The following LNX1 variants were observed in gnomAD, a reference collection of about 807,000 sequenced individuals.
The protein encoded by LNX1 is ligand of numb-protein X 1, also known as E3 ubiquitin-protein ligase LNX.
In LNX1, 54 loss-of-function variants were observed where a neutral mutation model predicts 68.4. That is an observed-to-expected ratio of 0.79 (90% confidence interval 0.63 to 0.99). LNX1 has a LOEUF of 0.99. Ranked by LOEUF, LNX1 falls within the 50% of genes least tolerant of loss-of-function variation. LNX1 has a pLI of 0.00. For synonymous variants in LNX1, 336 were observed against 350.0 expected, an observed-to-expected ratio of 0.96 and a Z score of 0.45; for missense variants, 906 against 926.4, an observed-to-expected ratio of 0.98 and a Z score of 0.29.
chr4:53,568,909 A>G (rs1280980213), intron 2 of LNX1, among the ~76,000 whole-genome samples: 1 of 152,104 alleles, frequency 6.6e-6, no homozygotes, highest in Admixed American at 6.5e-5. Flanking sequence ...ACTCCCATTC[A>G]CAATTGCTTC....
intron 3 of LNX1, 119 bp from the exon 4 acceptor site, chr4:53,507,588 A>G (rs774044936): frequency 2.9e-4 from 338 of 1,151,768 alleles, no homozygotes; most frequent in Non-Finnish European, 3.9e-4. Context: ...GGGTGGTAGG[A>G]TTGTAGAATT....
intron 9 of LNX1, among the ~76,000 whole-genome samples, chr4:53,469,304 C>T (rs373058751): frequency 2.0e-5 from 3 of 152,086 alleles, no homozygotes; most frequent in East Asian, 3.8e-4. Flanking sequence ...AGAACAAAGA[C>T]ACAGCGTACC....
chr4:53,643,024 T>C (rs1734745612), intron 1 of LNX1, among the ~76,000 whole-genome samples: 1 of 152,156 alleles, frequency 6.6e-6, no homozygotes. Flanking sequence ...ACTTGGGGAG[T>C]GCTATGGGCA....
At chr4:53,520,713 A>G (rs1577652835) in intron 2 of LNX1, among the ~76,000 whole-genome samples, 2 of 152,194 alleles carry the variant, frequency 1.3e-5, no homozygotes, top group South Asian at 4.2e-4. Context: ...TGTAATCCCA[A>G]CACTTTGGGA....
In LNX1 at chr4:53,460,141, A is replaced by G. The variant is rs950218921; in HGVS notation, c.*766T>C. ...TGGCACAAATTTAAATCGCCTCATGACCATGTCTGTGAGCCAGGGTCAAGC... is the reference window on the plus strand; with the variant it reads ...TGGCACAAATTTAAATCGCCTCATGGCCATGTCTGTGAGCCAGGGTCAAGC... On this transcript the variant is annotated 3_prime_UTR_variant, in exon 11 of 11. Coordinates refer to ENST00000263925, the MANE Select transcript of LNX1 (RefSeq NM_001126328.3). 1 of 198,974 alleles carries G rather than the reference A, an allele frequency of 5.0e-6. No homozygotes were observed. The highest frequency in any genetic ancestry group is 2.3e-5 in the African/African-American group (1 of 43,468). 12.3% of individuals were successfully genotyped at this position (198,974 alleles called of 1,614,324 possible).
intron 9 of LNX1, among the ~76,000 whole-genome samples, chr4:53,473,257 GAAAAAT>G (rs1723355324): frequency 6.6e-6 from 1 of 152,048 alleles, no homozygotes; most frequent in South Asian, 2.1e-4. Flanking sequence ...AAGTGGAAGA[GAAAAAT>G]AAAAACACCA....
At chr4:53,629,892 T>C (rs1161135400) in intron 1 of LNX1, among the ~76,000 whole-genome samples, 1 of 152,136 alleles carries the variant, frequency 6.6e-6, no homozygotes, top group Admixed American at 6.5e-5. Context: ...ATCCTCTATA[T>C]GTATGCACAA....
chr4:53,616,667 G>C (rs2109854607), intron 1 of LNX1: 1 of 152,292 alleles, frequency 6.6e-6, no homozygotes, highest in East Asian at 1.9e-4. Context: ...AATAATAGTA[G>C]TAACAGCAGC....
At chr4:53,639,512 G>C (rs1387835307) in intron 1 of LNX1, among the ~76,000 whole-genome samples, 1 of 151,936 alleles carries the variant, frequency 6.6e-6, no homozygotes. Flanking sequence ...AAAAAATAAG[G>C]CATCTTGAAA....
At position 53,588,158 on chromosome 4, in the gene LNX1, C is replaced by T. The variant is rs79707195; in HGVS notation, c.-87+3230G>A. Reference sequence around the variant, plus strand: ...CATGTAATTATTTCAATTATTCCTCCCAACAGCTCTGAGTCTGGGAAGTAT... The same window carrying T: ...CATGTAATTATTTCAATTATTCCTCTCAACAGCTCTGAGTCTGGGAAGTAT... On this transcript the variant is annotated intron_variant, in intron 1 of 10. Coordinates refer to ENST00000263925, the MANE Select transcript of LNX1 (RefSeq NM_001126328.3). Among the ~76,000 whole-genome samples, 3 of 152,222 alleles carry T rather than the reference C, an allele frequency of 2.0e-5. No homozygotes were observed. In the East Asian group the frequency reaches 5.8e-4, roughly 29 times the overall value.
intron 1 of LNX1, chr4:53,652,078 G>A (rs1289790964): frequency 6.1e-5 from 9 of 147,610 alleles, no homozygotes; most frequent in Non-Finnish European, 1.4e-4. Context: ...AAAGAGATAG[G>A]GGTGAGAGCT....
intron 1 of LNX1, chr4:53,579,140 C>A: frequency 3.1e-6 from 1 of 326,382 alleles, no homozygotes; most frequent in South Asian, 1.2e-4. Flanking sequence ...CTGAATGTAT[C>A]AGCCATCAGC....
intron 4 of LNX1, among the ~76,000 whole-genome samples, chr4:53,504,594 C>T (rs1725737597): frequency 6.6e-6 from 1 of 152,226 alleles, no homozygotes. Flanking sequence ...GCATTAATAA[C>T]TTGGCTGTTT....
intron 2 of LNX1, among the ~76,000 whole-genome samples, chr4:53,615,796 A>T (rs866131471): frequency 1.3e-5 from 2 of 152,086 alleles, no homozygotes; most frequent in Non-Finnish European, 1.5e-5. Flanking sequence ...GTAGGTGCAT[A>T]TATTTATGGG....
At chr4:53,594,719 T>A (rs1266149483), upstream of LNX1, among the ~76,000 whole-genome samples, 1 of 147,964 alleles carries the variant, frequency 6.8e-6, no homozygotes, top group Non-Finnish European at 1.5e-5. Context: ...TCTTTTTTAA[T>A]TTTTTTTTTT....
chr4:53,498,267 C>T (rs1294083164), intron 5 of LNX1, among the ~76,000 whole-genome samples: 1 of 151,316 alleles, frequency 6.6e-6, no homozygotes, highest in Non-Finnish European at 1.5e-5. Flanking sequence ...AATATATGTC[C>T]CAGTTTTATT....
intron 2 of LNX1, among the ~76,000 whole-genome samples, chr4:53,615,347 T>C (rs2590820): frequency 0.41 from 61,724 of 152,046 alleles, 12,559 homozygotes; most frequent in Admixed American, 0.45. Context: ...TGAATCTACC[T>C]GGGCTGGCTT....
At chr4:53,507,548 C>T (rs1725984896) in intron 3 of LNX1, 79 bp from the exon 4 acceptor site, 17 of 1,410,288 alleles carry the variant, frequency 1.2e-5, no homozygotes, top group Admixed American at 1.9e-5. Context: ...ATAAGATATA[C>T]ACAATAAGAC....
chr4:53,515,298 C>G (rs1191782009), intron 2 of LNX1, among the ~76,000 whole-genome samples: 21 of 152,216 alleles, frequency 1.4e-4, no homozygotes, highest in Admixed American at 1.3e-3. Flanking sequence ...CAGAGCTATA[C>G]AGTAAACATT....
Sources: gnomAD v4.1 joint callset for allele counts (sites outside exome capture counted in the v4.1 genomes callset) on GRCh38, gnomAD v4.1.1 for gene constraint, MANE v1.5 for transcripts, NCBI Gene and HGNC (gene_info 2026-07-23, HGNC 2026-07-21) for gene names.